The following FAM13C variants were observed in gnomAD, a reference collection of about 807,000 sequenced individuals.
FAM13C encodes the protein family with sequence similarity 13 member C.
Under a neutral mutation model 73.2 loss-of-function variants are expected in FAM13C, and 37 were observed. The observed-to-expected ratio is 0.51, with a 90% CI of 0.39 to 0.67. The LOEUF (loss-of-function observed/expected upper bound fraction) is 0.67. Ranked by LOEUF, FAM13C falls within the 30% of genes least tolerant of loss-of-function variation. The pLI is 0.00. For missense variants in FAM13C, 589 were observed against 715.6 expected (o/e 0.82, Z 2.02); for synonymous variants, 246 against 260.9 (o/e 0.94, Z 0.55).
chr10:59,273,096 G>A (rs1843906054), intron 6 of FAM13C, among the ~76,000 whole-genome samples: 1 of 152,102 alleles, frequency 6.6e-6, no homozygotes, highest in African/African-American at 2.4e-5. Flanking sequence ...CAGGATATGG[G>A]GAGACTACTG....
At chr10:59,327,114 C>T (rs1194467530) in intron 3 of FAM13C, among the ~76,000 whole-genome samples, 1 of 152,028 alleles carries the variant, frequency 6.6e-6, no homozygotes, top group African/African-American at 2.4e-5. Flanking sequence ...CAGAGCATGC[C>T]CAGGACAGCC....
In FAM13C at chr10:59,262,465, C is replaced by T. The variant is rs1290553476; in HGVS notation, c.1205G>A (p.Arg402Lys). 1.4e-5 allele frequency: 22 copies of T among 1,613,556 alleles called. No homozygotes were observed. Among genetic ancestry groups the T allele is most frequent in the Non-Finnish European group, 1.8e-5 (21 of 1,179,734 alleles). ...ATCCTCCTGGGGAGGAAGTTGCTCT[C>T]TTCTCTCCTTCAGGCATGTCAAGGC... ...DAALTCLKER[R>K]EQLPPQEDSK... The change falls in exon 10 of 14, where the codon AGA (arginine) becomes AAA (lysine). Residue 402 changes from arginine (R) to lysine (K), a missense_variant. Arg to Lys is a conservative substitution (Grantham distance 26, BLOSUM62 2). Transcript: ENST00000618804.
chr10:59,330,025 C>T (rs967769512), intron 3 of FAM13C, among the ~76,000 whole-genome samples: 12 of 152,090 alleles, frequency 7.9e-5, no homozygotes, highest in Non-Finnish European at 1.6e-4. Flanking sequence ...CTCATGACAG[C>T]GGATATTGAG....
chr10:59,324,663 A>G (rs514436), intron 3 of FAM13C, among the ~76,000 whole-genome samples: 69,094 of 151,922 alleles, frequency 0.45, 17,013 homozygotes, highest in African/African-American at 0.66. Context: ...TCTATAATAA[A>G]AGAAAAATTT....
intron 4 of FAM13C, among the ~76,000 whole-genome samples, chr10:59,319,329 G>C (rs112751224): frequency 1.3e-3 from 192 of 152,298 alleles, no homozygotes; most frequent in African/African-American, 4.2e-3. Flanking sequence ...AGAGGCCAAT[G>C]AACTGGAACT....
intron 6 of FAM13C, among the ~76,000 whole-genome samples, chr10:59,281,010 T>C (rs1049853047): frequency 2.6e-5 from 4 of 152,256 alleles, no homozygotes; most frequent in Non-Finnish European, 5.9e-5. Context: ...TTTGTCCATG[T>C]TATTGACATC....
intron 6 of FAM13C, among the ~76,000 whole-genome samples, chr10:59,277,233 TA>T (rs1276588626): frequency 6.6e-6 from 1 of 152,136 alleles, no homozygotes; most frequent in Non-Finnish European, 1.5e-5. Flanking sequence ...TCTGATAGAA[TA>T]TACTGATATG....
In FAM13C at chr10:59,321,431, C is replaced by CTTTT. The variant is rs1850255076; in HGVS notation, c.443+2556_443+2557insAAAA. Among the ~76,000 whole-genome samples the CTTTT allele has an allele frequency of 1.3e-4, 14 of 109,854 alleles. 2 individuals carry two copies. The highest frequency in any genetic ancestry group is 1.0e-4 in the African/African-American group (3 of 28,918). The allele number at this position is 109,854 out of a possible 152,430, so 72.1% of individuals were successfully genotyped here. On this transcript the variant is annotated intron_variant, in intron 4 of 13. Transcript: ENST00000618804. ...AGAAAGGAATGGAGCCCTGCCAACA[C>CTTTT]CTTTTTTTTTTTTTTTTTTTTTTTT...
At chr10:59,345,556 A>G (rs1854189751) in intron 3 of FAM13C, among the ~76,000 whole-genome samples, 3 of 152,164 alleles carry the variant, frequency 2.0e-5, no homozygotes, top group Non-Finnish European at 2.9e-5. Context: ...TAAAAATACC[A>G]TTTTTCATCG....
intron 3 of FAM13C, among the ~76,000 whole-genome samples, chr10:59,343,703 A>G (rs1316384169): frequency 1.3e-5 from 2 of 152,212 alleles, no homozygotes; most frequent in African/African-American, 4.8e-5. Flanking sequence ...GCAACATTCA[A>G]GACTACAACT....
chr10:59,320,035 G>A (rs1049710312), intron 4 of FAM13C, among the ~76,000 whole-genome samples: 1 of 152,140 alleles, frequency 6.6e-6, no homozygotes, highest in African/African-American at 2.4e-5. Context: ...AGGAAGAAAA[G>A]GATTGAAGCA....
chr10:59,322,257 T>C (rs1369127739), intron 4 of FAM13C, among the ~76,000 whole-genome samples: 1 of 152,222 alleles, frequency 6.6e-6, no homozygotes, highest in Non-Finnish European at 1.5e-5. Context: ...ATGGTTGTGA[T>C]AAATAACTGT....
chr10:59,271,409 G>A (rs1253790567), intron 6 of FAM13C, among the ~76,000 whole-genome samples: 3 of 152,186 alleles, frequency 2.0e-5, no homozygotes, highest in Non-Finnish European at 4.4e-5. Flanking sequence ...CTTCTCCCCT[G>A]GTGGATTGTA....
Position 59,352,428 on chromosome 10 carries a change from C to CG in FAM13C, c.165_166insC (p.Glu56ArgfsTer75). On this transcript the variant is annotated frameshift_variant, in exon 3 of 14. Transcript: ENST00000618804. LOFTEE classifies it high-confidence loss of function. Reference sequence around the variant, plus strand: ...TCCCAAGAGGGCGGCGCGTGCTCTTCTACCAGAGCCCCTGCGTCGGGGTAG... The same window carrying CG: ...TCCCAAGAGGGCGGCGCGTGCTCTTCGTACCAGAGCCCCTGCGTCGGGGTAG... 2 of 1,613,714 alleles carry CG rather than the reference C, an allele frequency of 1.2e-6. No individual in the cohort carries two copies. The highest frequency in any genetic ancestry group is 1.7e-6 in the Non-Finnish European group (2 of 1,179,918).
At chr10:59,271,386 T>G (rs1178747914) in intron 6 of FAM13C, among the ~76,000 whole-genome samples, 1 of 152,228 alleles carries the variant, frequency 6.6e-6, no homozygotes, top group Admixed American at 6.5e-5. Flanking sequence ...GGTCCTCCTG[T>G]GTTTTCAGCT....
chr10:59,357,579 G>A (rs1171630824), intron 1 of FAM13C, among the ~76,000 whole-genome samples: 2 of 152,168 alleles, frequency 1.3e-5, no homozygotes, highest in Non-Finnish European at 2.9e-5. Context: ...ACTGTGCTTC[G>A]CAAACTCTCA....
intron 2 of FAM13C, among the ~76,000 whole-genome samples, chr10:59,355,236 C>A (rs977616886): frequency 1.1e-4 from 16 of 152,042 alleles, no homozygotes; most frequent in African/African-American, 3.9e-4. Flanking sequence ...TTCTTCATCC[C>A]AAATCTTAAC....
In FAM13C at chr10:59,246,455, T is replaced by A. The variant is rs540266302; in HGVS notation, c.*1159A>T. 2.1e-5 allele frequency: 8 copies of A among 379,038 alleles called. No homozygotes were observed. In the South Asian group the frequency reaches 1.2e-3, roughly 55 times the overall value. The allele number at this position is 379,038 out of a possible 1,614,324, so 23.5% of individuals were successfully genotyped here. A position where few individuals can be genotyped will look rare whatever the true frequency, so the allele number is the denominator to read the frequency against. The stretch of plus-strand genomic sequence containing the variant: ...TTCCCATCCAAACTATAAGAGAATG[T>A]GAATTTCTTCAACATCATACTTAAA... On this transcript the variant is annotated 3_prime_UTR_variant, in exon 14 of 14. Coordinates refer to ENST00000618804, the MANE Select transcript of FAM13C (RefSeq NM_198215.4).
In FAM13C at chr10:59,302,832, T is replaced by A. The variant is rs765752854; in HGVS notation, c.476A>T (p.Asp159Val). 1.2e-6 allele frequency: 2 copies of A among 1,613,974 alleles called. No individual in the cohort carries two copies. The highest frequency in any genetic ancestry group is 1.7e-5 in the Admixed American group (1 of 60,002). Residue 159 changes from aspartate to valine, a missense_variant, in exon 5 of 14, where the codon GAT becomes GTT. Asp to Val is a radical substitution (Grantham distance 152, BLOSUM62 -3). Transcript: ENST00000618804. ...TAAGTCCTGCCGAGTTTCAAAAGCA[T>A]CCTTTGGCGAAATGGCAGTCCTCTG... is the stretch of plus-strand genomic sequence containing the variant. Reference protein sequence around the residue: ...IDQRTAISPKDAFETRQDLNE... With the variant: ...IDQRTAISPKVAFETRQDLNE...
Sources: gnomAD v4.1 joint callset for allele counts (sites outside exome capture counted in the v4.1 genomes callset) on GRCh38, gnomAD v4.1.1 for gene constraint, MANE v1.5 for transcripts, NCBI Gene and HGNC (gene_info 2026-07-23, HGNC 2026-07-21) for gene names.